COL26A1: variants seen among roughly 807,000 people sequenced by gnomAD.
COL26A1 encodes collagen type XXVI alpha 1 chain, also known as collagen alpha-1(XXVI) chain.
COL26A1 carries 41 observed loss-of-function variants against 59.3 expected under a neutral mutation model. The ratio of observed to expected loss-of-function variants is 0.69; its 90% CI spans 0.54 to 0.90. The LOEUF (loss-of-function observed/expected upper bound fraction) is 0.90, where lower values mean the gene tolerates loss of function less well. COL26A1 is among the 40% of genes least tolerant of loss of function. COL26A1 has a pLI of 0.00. For missense variants in COL26A1, 612 were observed against 602.3 expected (o/e 1.02, Z -0.17); for synonymous variants, 266 against 256.0 (o/e 1.04, Z -0.37).
chr7:101,446,723 T>A (rs1793203308), intron 2 of COL26A1, among the ~76,000 whole-genome samples: 1 of 152,022 alleles, frequency 6.6e-6, no homozygotes, highest in Non-Finnish European at 1.5e-5. Flanking sequence ...GGCACACACC[T>A]ATAATCTCAG....
intron 3 of COL26A1, among the ~76,000 whole-genome samples, chr7:101,464,932 A>G (rs1344115092): frequency 6.7e-6 from 1 of 150,054 alleles, no homozygotes; most frequent in East Asian, 2.0e-4. Context: ...GGCTGGTCTC[A>G]AACTTCTGGC....
At chr7:101,548,703 C>T (rs889816791) in intron 8 of COL26A1, among the ~76,000 whole-genome samples, 60 of 151,914 alleles carry the variant, frequency 3.9e-4, no homozygotes, top group Non-Finnish European at 6.2e-4. Flanking sequence ...CTTCAGGAGC[C>T]CTGAAAGGGA....
At chr7:101,397,743 G>T (rs532818408) in intron 1 of COL26A1, among the ~76,000 whole-genome samples, 6 of 152,176 alleles carry the variant, frequency 3.9e-5, no homozygotes, top group African/African-American at 1.4e-4. Context: ...TTGCTAGGTT[G>T]CCCAGGCTGG....
chr7:101,423,296 A>G (rs192825689), intron 2 of COL26A1, among the ~76,000 whole-genome samples: 1 of 152,026 alleles, frequency 6.6e-6, no homozygotes, highest in Non-Finnish European at 1.5e-5. Context: ...AAAAAGAAAA[A>G]TACAATAATG....
At chr7:101,540,613 A>C (rs1453255164) in intron 5 of COL26A1, among the ~76,000 whole-genome samples, 1 of 146,650 alleles carries the variant, frequency 6.8e-6, no homozygotes, top group Non-Finnish European at 1.5e-5. Flanking sequence ...AGCACTTTGG[A>C]AGGTCAAGGC....
chr7:101,499,185 A>T (rs1794650228), intron 3 of COL26A1, among the ~76,000 whole-genome samples: 1 of 152,120 alleles, frequency 6.6e-6, no homozygotes, highest in Non-Finnish European at 1.5e-5. Context: ...CTGTGTGTCC[A>T]CAGCCTCGAC....
chr7:101,458,651 C>A (rs1393217316), intron 3 of COL26A1, among the ~76,000 whole-genome samples: 8 of 148,016 alleles, frequency 5.4e-5, no homozygotes, highest in Non-Finnish European at 9.0e-5. Flanking sequence ...ACTCTGTCTC[C>A]AAAAAAAAAA....
chr7:101,553,344 G>C lies in COL26A1; in HGVS notation c.1048G>C (p.Gly350Arg), dbSNP rs370309900. Reference sequence around the variant, plus strand: ...TTCTTAGGGTGAACCTGGCGTGAAGGGGGAAGAAGGAGAGAAAGCCGCCAC... The same window carrying C: ...TTCTTAGGGTGAACCTGGCGTGAAGCGGGAAGAAGGAGAGAAAGCCGCCAC... Reference protein sequence around the residue: ...VGPSGEPGVKGEEGEKAATAE... With the variant: ...VGPSGEPGVKREEGEKAATAE... The change falls in exon 11 of 13, where the codon GGG becomes CGG. Residue 350 changes from glycine (G) to arginine (R), a missense_variant. Physicochemically the swap from Gly to Arg is moderately radical, Grantham distance 125 (BLOSUM62 -2). Transcript: ENST00000313669. 1.6e-5 allele frequency: 26 copies of C among 1,613,716 alleles called. No individual in the cohort carries two copies. In the African/African-American group the frequency reaches 1.9e-4, roughly 12 times the overall value.
chr7:101,456,896 A>G lies in COL26A1; in HGVS notation c.385+9109A>G, dbSNP rs923095087. Among the ~76,000 whole-genome samples the G allele has an allele frequency of 4.6e-5, 7 of 152,254 alleles. 1 individual carries two copies. In the South Asian group the frequency reaches 1.5e-3, roughly 32 times the overall value. ...TCAGCTCCCAGAAAGTCTCTACCCC[A>G]GTGTAATTGCTCAGTGGGTTCTTCC... is the stretch of plus-strand genomic sequence containing the variant. On this transcript the variant is annotated intron_variant, in intron 3 of 12. Transcript: ENST00000313669.
intron 3 of COL26A1, among the ~76,000 whole-genome samples, chr7:101,519,317 G>A (rs539752101): frequency 2.9e-4 from 44 of 152,256 alleles, no homozygotes; most frequent in Non-Finnish European, 4.6e-4. Context: ...TCTTTTTTTA[G>A]TTTTTCCCCT....
chr7:101,532,870 G>A (rs1043182546), intron 3 of COL26A1, among the ~76,000 whole-genome samples: 6 of 152,216 alleles, frequency 3.9e-5, no homozygotes, highest in Non-Finnish European at 8.8e-5. Context: ...AGTGTACTGC[G>A]CGTGCTCAGA....
At chr7:101,534,153 C>T (rs1027791224) in intron 4 of COL26A1, among the ~76,000 whole-genome samples, 8 of 152,172 alleles carry the variant, frequency 5.3e-5, no homozygotes, top group Non-Finnish European at 8.8e-5. Context: ...CACTGCCTGG[C>T]CCCCCAGGGG....
chr7:101,556,636 T>G (rs1254970445), intron 12 of COL26A1, among the ~76,000 whole-genome samples: 1 of 151,078 alleles, frequency 6.6e-6, no homozygotes, highest in Non-Finnish European at 1.5e-5. Flanking sequence ...GGTGGGTGGG[T>G]GAATGAGTGA....
At chr7:101,401,353 A>G (rs1246247633) in intron 1 of COL26A1, among the ~76,000 whole-genome samples, 1 of 152,140 alleles carries the variant, frequency 6.6e-6, no homozygotes, top group Non-Finnish European at 1.5e-5. Flanking sequence ...TGTCAGCGGG[A>G]TGGTCTCTAA....
At chr7:101,376,189 A>T (rs2117018383) in intron 1 of COL26A1, among the ~76,000 whole-genome samples, 1 of 149,894 alleles carries the variant, frequency 6.7e-6, no homozygotes, top group South Asian at 2.1e-4. Context: ...TTGAATGCTT[A>T]TAGTCCCAGC....
intron 1 of COL26A1, among the ~76,000 whole-genome samples, chr7:101,380,292 ATT>A (rs34990402): frequency 0.016 from 1,810 of 115,870 alleles, 23 homozygotes; most frequent in African/African-American, 0.047. Flanking sequence ...ACCCAGCTAC[ATT>A]TTTTTTTTTT....
intron 7 of COL26A1, among the ~76,000 whole-genome samples, chr7:101,546,299 A>G (rs1363142142): frequency 1.3e-5 from 2 of 152,002 alleles, no homozygotes; most frequent in African/African-American, 4.8e-5. Context: ...CAGTGGCGCC[A>G]TCATAGCTCC....
intron 3 of COL26A1, among the ~76,000 whole-genome samples, chr7:101,470,876 C>T (rs1793883074): frequency 6.6e-6 from 1 of 152,004 alleles, no homozygotes; most frequent in Non-Finnish European, 1.5e-5. Flanking sequence ...TTCTCTGGCC[C>T]CCACCCTCTC....
chr7:101,473,636 ACACACACACAC>A (rs1226367862), intron 3 of COL26A1, among the ~76,000 whole-genome samples: 3 of 147,912 alleles, frequency 2.0e-5, no homozygotes, highest in Non-Finnish European at 4.5e-5. Context: ...ACACACACAC[ACACACACACAC>A]ACACACAAAC....
Sources: allele counts gnomAD v4.1 joint callset (sites outside exome capture counted in the v4.1 genomes callset), GRCh38; gene constraint gnomAD v4.1.1; transcripts MANE v1.5; gene names NCBI Gene and HGNC (gene_info 2026-07-23, HGNC 2026-07-21).